Variants in TENM2 observed in about 807,000 individuals in gnomAD.
TENM2 encodes the protein teneurin transmembrane protein 2.
TENM2 carries 52 observed loss-of-function variants against 245.2 expected under a neutral mutation model. The ratio of observed to expected loss-of-function variants is 0.21; its 90% CI spans 0.17 to 0.27. The LOEUF (loss-of-function observed/expected upper bound fraction) is 0.27. Ranked by LOEUF, TENM2 falls within the 10% of genes least tolerant of loss-of-function variation. The pLI is 1.00. For missense variants in TENM2, 3,046 were observed against 3,666.8 expected, an observed-to-expected ratio of 0.83 and a Z score of 4.37; for synonymous variants, 1,363 against 1,438.9, an observed-to-expected ratio of 0.95 and a Z score of 1.19.
At chr5:167,418,914 C>CTGTGTCG (rs34413415) in intron 2 of TENM2, among the ~76,000 whole-genome samples, 2 of 151,994 alleles carry the variant, frequency 1.3e-5, no homozygotes, top group Non-Finnish European at 2.9e-5. Context: ...AGAAGTGTGC[C>CTGTGTCG]TGTGTCGCTT....
At chr5:168,134,528 A>C (rs1309310297) in intron 12 of TENM2, among the ~76,000 whole-genome samples, 2 of 151,996 alleles carry the variant, frequency 1.3e-5, no homozygotes, top group African/African-American at 2.4e-5. Flanking sequence ...TCTACTAAAA[A>C]TACAAAAAAT....
At chr5:167,572,497 G>T (rs1774338090) in intron 2 of TENM2, among the ~76,000 whole-genome samples, 1 of 152,174 alleles carries the variant, frequency 6.6e-6, no homozygotes, top group African/African-American at 2.4e-5. Context: ...CCAGTCAAAA[G>T]CTTGGGCATC....
chr5:167,447,360 T>C (rs1214417391), intron 2 of TENM2, among the ~76,000 whole-genome samples: 1 of 152,262 alleles, frequency 6.6e-6, no homozygotes, highest in African/African-American at 2.4e-5. Flanking sequence ...TACTTGGTTA[T>C]TTAAATATGT....
At chr5:167,591,239 A>G (rs1775858471) in intron 2 of TENM2, among the ~76,000 whole-genome samples, 1 of 152,236 alleles carries the variant, frequency 6.6e-6, no homozygotes, top group African/African-American at 2.4e-5. Flanking sequence ...AATAACTGTT[A>G]TCATATTAAA....
At chr5:167,787,575 A>G (rs1380538289) in intron 2 of TENM2, among the ~76,000 whole-genome samples, 2 of 152,188 alleles carry the variant, frequency 1.3e-5, no homozygotes, top group African/African-American at 4.8e-5. Flanking sequence ...CCTATGTTCT[A>G]TCAATCTCAG....
chr5:167,628,244 G>A (rs1049265743), intron 2 of TENM2, among the ~76,000 whole-genome samples: 2 of 152,058 alleles, frequency 1.3e-5, no homozygotes, highest in South Asian at 2.1e-4. Context: ...GGTCAGTGAC[G>A]TCTCTGTTTT....
chr5:167,664,635 C>T lies in TENM2; in HGVS notation c.503-211351C>T, dbSNP rs1424522997. On this transcript the variant is annotated intron_variant, in intron 2 of 28. Coordinates refer to ENST00000518659, the Ensembl canonical transcript of TENM2. The stretch of plus-strand genomic sequence containing the variant: ...CAAGTAACAGCAAGATTCAGTTATT[C>T]CTCATGGTTAAGTTTGATGAATTAT... Among the ~76,000 whole-genome samples, 4 of 152,298 alleles carry T rather than the reference C, an allele frequency of 2.6e-5. No homozygotes were observed. In the South Asian group the frequency reaches 6.2e-4, roughly 24 times the overall value.
At chr5:167,373,886 A>G (rs1581873520) in intron 1 of TENM2, among the ~76,000 whole-genome samples, 1 of 152,212 alleles carries the variant, frequency 6.6e-6, no homozygotes, top group African/African-American at 2.4e-5. Context: ...TCTGACACCT[A>G]ATAACACACG....
intron 2 of TENM2, among the ~76,000 whole-genome samples, chr5:167,421,582 G>A (rs901116810): frequency 6.6e-6 from 1 of 152,136 alleles, no homozygotes; most frequent in South Asian, 2.1e-4. Flanking sequence ...GCAGGACAGA[G>A]TGTGGACGTT....
intron 12 of TENM2, among the ~76,000 whole-genome samples, chr5:168,142,071 G>C (rs1470482153): frequency 1.3e-5 from 2 of 152,162 alleles, no homozygotes; most frequent in African/African-American, 4.8e-5. Flanking sequence ...CATGGTTTAC[G>C]GACATCCCAG....
chr5:167,246,593 A>G, the TENM2 span, among the ~76,000 whole-genome samples: 1 of 152,130 alleles, frequency 6.6e-6, no homozygotes, highest in Non-Finnish European at 1.5e-5. Flanking sequence ...AGATGTGATG[A>G]CAACATTGAC....
At chr5:167,316,408 G>A (rs1326129943) in intron 1 of TENM2, among the ~76,000 whole-genome samples, 2 of 152,126 alleles carry the variant, frequency 1.3e-5, no homozygotes, top group Non-Finnish European at 2.9e-5. Context: ...GCAGTATTGG[G>A]GCCACAACAC....
intron 2 of TENM2, among the ~76,000 whole-genome samples, chr5:167,563,299 G>A (rs1265521927): frequency 6.6e-6 from 1 of 152,126 alleles, no homozygotes. Context: ...CTTCCCTTGG[G>A]TTCCTCCTTA....
intron 1 of TENM2, among the ~76,000 whole-genome samples, chr5:167,326,187 G>A (rs1757066308): frequency 1.3e-5 from 2 of 152,076 alleles, no homozygotes; most frequent in Admixed American, 6.6e-5. Context: ...TGACAAGACA[G>A]GGAAACTGTC....
intron 9 of TENM2, among the ~76,000 whole-genome samples, chr5:168,109,624 TTTG>T (rs1363504039): frequency 6.6e-6 from 1 of 152,200 alleles, no homozygotes; most frequent in Non-Finnish European, 1.5e-5. Flanking sequence ...GCATCAGGAT[TTTG>T]TTAAATATCC....
In TENM2 at chr5:167,754,138, A is replaced by G. The variant is rs572479202; in HGVS notation, c.503-121848A>G. On this transcript the variant is annotated intron_variant, in intron 2 of 28. Transcript: ENST00000518659. ...CTTTTGGGATATGCAGACTGCAACT[A>G]TACTTTCCTTCCAGACATGATGGAT... 5.9e-5 allele frequency among the ~76,000 whole-genome samples: 9 copies of G among 152,318 alleles called. No homozygotes were observed. In the South Asian group the frequency reaches 1.9e-3, roughly 32 times the overall value.
the TENM2 span, among the ~76,000 whole-genome samples, chr5:167,131,169 G>T: frequency 1.3e-5 from 2 of 152,078 alleles, no homozygotes; most frequent in African/African-American, 4.8e-5. Context: ...TCTCTGATGG[G>T]TTGGAGACCT....
chr5:167,602,407 C>T (rs527710175), intron 2 of TENM2, among the ~76,000 whole-genome samples: 2 of 152,272 alleles, frequency 1.3e-5, no homozygotes, highest in African/African-American at 2.4e-5. Flanking sequence ...TCAGGGTTCA[C>T]GCCTTCATAT....
At chr5:168,187,012 C>G (rs1406630597) in intron 13 of TENM2, 3 of 152,188 alleles carry the variant, frequency 2.0e-5, no homozygotes, top group Non-Finnish European at 2.9e-5. Context: ...CATAATCACG[C>G]AGCATGATGA....
Sources: gnomAD v4.1 joint callset for allele counts (sites outside exome capture counted in the v4.1 genomes callset) on GRCh38, gnomAD v4.1.1 for gene constraint, MANE v1.5 for transcripts, NCBI Gene and HGNC (gene_info 2026-07-23, HGNC 2026-07-21) for gene names.